NALF1: variants seen among roughly 807,000 people sequenced by gnomAD.
NALF1 encodes the protein family with sequence similarity 155 member A.
Under a neutral mutation model 48.4 loss-of-function variants are expected in NALF1, and 3 were observed. The ratio of observed to expected loss-of-function variants is 0.06; its 90% CI spans 0.03 to 0.16. The LOEUF (loss-of-function observed/expected upper bound fraction) is 0.16, where lower values mean the gene tolerates loss of function less well. NALF1 is among the 10% of genes least tolerant of loss of function. The pLI, the probability that NALF1 is intolerant of heterozygous loss-of-function variation, is 1.00. For synonymous variants in NALF1, 262 were observed against 245.7 expected (o/e 1.07, Z -0.62); for missense variants, 526 against 571.5 (o/e 0.92, Z 0.81).
intron 1 of NALF1, among the ~76,000 whole-genome samples, chr13:107,343,528 T>C (rs1217529253): frequency 6.6e-6 from 1 of 152,186 alleles, no homozygotes; most frequent in African/African-American, 2.4e-5. Context: ...CGTGACTTGC[T>C]CCTCCTTGCC....
intron 1 of NALF1, among the ~76,000 whole-genome samples, chr13:107,464,451 C>G (rs528292608): frequency 6.6e-6 from 1 of 152,010 alleles, no homozygotes; most frequent in East Asian, 1.9e-4. Context: ...AATTACTGTA[C>G]GACTTTTATA....
chr13:107,864,784 A>G (rs550757689), intron 1 of NALF1, among the ~76,000 whole-genome samples: 1 of 152,204 alleles, frequency 6.6e-6, no homozygotes, highest in Non-Finnish European at 1.5e-5. Context: ...TTGCATTTGC[A>G]TCGACCAATT....
chr13:107,438,827 CA>C (rs61686895), intron 1 of NALF1, among the ~76,000 whole-genome samples: 190 of 17,940 alleles, frequency 0.011, 2 homozygotes, highest in African/African-American at 0.027. Context: ...GACTCCATCT[CA>C]AAAAAAAAAA....
intron 1 of NALF1, among the ~76,000 whole-genome samples, chr13:107,559,911 A>G (rs909890440): frequency 6.6e-6 from 1 of 152,184 alleles, no homozygotes; most frequent in Non-Finnish European, 1.5e-5. Flanking sequence ...AAGGAGAGAC[A>G]TGGCAGAGAT....
At chr13:107,239,240 C>T (rs986187194) in intron 1 of NALF1, among the ~76,000 whole-genome samples, 9 of 152,126 alleles carry the variant, frequency 5.9e-5, no homozygotes, top group Non-Finnish European at 1.3e-4. Context: ...GCTAGAAGGC[C>T]AAAACTGAAG....
chr13:107,383,633 A>G (rs1883477862), intron 1 of NALF1, among the ~76,000 whole-genome samples: 6 of 152,240 alleles, frequency 3.9e-5, no homozygotes, highest in Admixed American at 3.9e-4. Context: ...ATTGATGTTT[A>G]TACCTTTGTC....
At chr13:107,283,275 C>T (rs1018618388) in intron 1 of NALF1, among the ~76,000 whole-genome samples, 1 of 152,246 alleles carries the variant, frequency 6.6e-6, no homozygotes, top group South Asian at 2.1e-4. Context: ...GATCACCTTA[C>T]ATGTGTGCCA....
At chr13:107,281,683 C>T (rs2138873206) in intron 1 of NALF1, among the ~76,000 whole-genome samples, 1 of 152,234 alleles carries the variant, frequency 6.6e-6, no homozygotes, top group South Asian at 2.1e-4. Context: ...TAAAGAACTG[C>T]CTGAGACTGG....
At chr13:107,194,628 T>G (rs1879354639) in intron 2 of NALF1, among the ~76,000 whole-genome samples, 1 of 152,068 alleles carries the variant, frequency 6.6e-6, no homozygotes, top group African/African-American at 2.4e-5. Context: ...TTCTAAAAGA[T>G]AACATCAGAA....
chr13:107,455,301 A>G (rs1566349592), intron 1 of NALF1, among the ~76,000 whole-genome samples: 2 of 152,188 alleles, frequency 1.3e-5, no homozygotes, highest in Admixed American at 6.5e-5. Flanking sequence ...ACGGACCAAC[A>G]CAATAATCAT....
intron 1 of NALF1, among the ~76,000 whole-genome samples, chr13:107,214,787 T>C (rs1344319470): frequency 2.0e-5 from 3 of 152,200 alleles, no homozygotes; most frequent in Non-Finnish European, 1.5e-5. Flanking sequence ...AATGACAGCA[T>C]CATTTTTACT....
intron 1 of NALF1, among the ~76,000 whole-genome samples, chr13:107,693,548 G>T (rs1038583261): frequency 6.6e-6 from 1 of 150,928 alleles, no homozygotes; most frequent in Admixed American, 6.6e-5. Context: ...ACAGGTGCAC[G>T]GAATCTCTGC....
intron 1 of NALF1, among the ~76,000 whole-genome samples, chr13:107,487,071 T>C (rs2139065853): frequency 6.6e-6 from 1 of 152,232 alleles, no homozygotes; most frequent in East Asian, 1.9e-4. Context: ...TGTCTGTGTG[T>C]CCCCAGATGA....
intron 1 of NALF1, among the ~76,000 whole-genome samples, chr13:107,398,840 C>T (rs571646676): frequency 4.2e-4 from 64 of 152,136 alleles, no homozygotes; most frequent in Non-Finnish European, 7.4e-4. Flanking sequence ...ATATCAGAGT[C>T]ATTATCTTCA....
At chr13:107,374,533 C>G (rs1395544399) in intron 1 of NALF1, among the ~76,000 whole-genome samples, 3 of 152,136 alleles carry the variant, frequency 2.0e-5, no homozygotes. Flanking sequence ...TGAAAAGACA[C>G]ATTTTATAAT....
intron 1 of NALF1, among the ~76,000 whole-genome samples, chr13:107,263,914 C>G (rs76026484): frequency 0.03 from 4,590 of 152,266 alleles, 237 homozygotes; most frequent in African/African-American, 0.1. Flanking sequence ...CTAATTGATA[C>G]ACACAGCTAC....
intron 1 of NALF1, among the ~76,000 whole-genome samples, chr13:107,502,394 C>T (rs565741590): frequency 2.1e-4 from 32 of 152,184 alleles, no homozygotes; most frequent in South Asian, 1.9e-3. Flanking sequence ...TATGTAAAGA[C>T]ATCATATTGT....
intron 1 of NALF1, among the ~76,000 whole-genome samples, chr13:107,664,736 C>A (rs1445159359): frequency 1.3e-5 from 2 of 152,116 alleles, no homozygotes; most frequent in African/African-American, 4.8e-5. Flanking sequence ...GCTTGTTTTT[C>A]TTTTTCTACA....
intron 2 of NALF1, 88 bp downstream of exon 2, chr13:107,210,496 G>T: frequency 1.0e-6 from 1 of 958,436 alleles, no homozygotes; most frequent in East Asian, 2.4e-5. Context: ...GGTTATATCA[G>T]TGAAAGGAAA....
Sources: gnomAD v4.1 joint callset for allele counts (sites outside exome capture counted in the v4.1 genomes callset) on GRCh38, gnomAD v4.1.1 for gene constraint, MANE v1.5 for transcripts, NCBI Gene and HGNC (gene_info 2026-07-23, HGNC 2026-07-21) for gene names.